HECW1: variants seen among roughly 807,000 people sequenced by gnomAD.
HECW1 encodes the protein E3 ubiquitin-protein ligase HECW1.
HECW1 carries 61 observed loss-of-function variants against 182.3 expected under a neutral mutation model. The observed-to-expected ratio is 0.33, with a 90% CI of 0.27 to 0.41. The LOEUF is 0.41. HECW1 is among the 10% of genes least tolerant of loss of function. The pLI is 1.00. For missense variants in HECW1, 1,739 were observed against 2,108.9 expected (o/e 0.82, Z 3.44); for synonymous variants, 859 against 832.6 (o/e 1.03, Z -0.55).
intron 3 of HECW1, among the ~76,000 whole-genome samples, chr7:43,273,425 CTAA>C (rs1434218410): frequency 2.0e-5 from 3 of 151,762 alleles, no homozygotes; most frequent in African/African-American, 7.3e-5. Context: ...GAAATTGACC[CTAA>C]TATAAATTTC....
chr7:43,564,027 A>G lies in HECW1; in HGVS notation c.*2101A>G. 5.3e-6 allele frequency: 1 copy of G among 187,514 alleles called. No individual in the cohort carries two copies. Among genetic ancestry groups the G allele is most frequent in the Non-Finnish European group, 1.1e-5 (1 of 88,778 alleles). The allele number at this position is 187,514 out of a possible 1,614,324, so 11.6% of individuals were successfully genotyped here. A position where few individuals can be genotyped will look rare whatever the true frequency, so the allele number is the denominator to read the frequency against. On this transcript the variant is annotated 3_prime_UTR_variant, in exon 30 of 30. Coordinates refer to ENST00000395891, the MANE Select transcript of HECW1 (RefSeq NM_015052.5). ...AAGAATATTTACTGAGACAGGATGGAATCTGTAAGTTATATGATATAGAAT... is the reference window on the plus strand; with the variant it reads ...AAGAATATTTACTGAGACAGGATGGGATCTGTAAGTTATATGATATAGAAT...
At chr7:43,169,175 G>A (rs1268359398) in intron 2 of HECW1, among the ~76,000 whole-genome samples, 1 of 152,174 alleles carries the variant, frequency 6.6e-6, no homozygotes, top group Admixed American at 6.5e-5. Context: ...AGCTGAAAGA[G>A]GACCCTGCAT....
rs754421708 is a variant in HECW1 at position 43,243,942 on chromosome 7, C to T, written c.27+10C>T. 1.3e-6 allele frequency: 2 copies of T among 1,599,272 alleles called. No homozygotes were observed. Among genetic ancestry groups the T allele is most frequent in the African/African-American group, 2.7e-5 (2 of 74,650 alleles). ...CCTGTGTAGTGTGAAGGTCAGTGTG[C>T]TTTTCTGATTATAAGAAACCATCCA... On this transcript the variant is annotated intron_variant, in intron 3 of 29. Coordinates refer to ENST00000395891, the MANE Select transcript of HECW1 (RefSeq NM_015052.5). This position sits in a 1 kb window ranked among gnomAD's most constrained non-coding sequence, Gnocchi z 4.0.
At chr7:43,215,870 TA>T (rs1358964867) in intron 2 of HECW1, among the ~76,000 whole-genome samples, 1 of 152,178 alleles carries the variant, frequency 6.6e-6, no homozygotes, top group East Asian at 1.9e-4. Flanking sequence ...CCTCTCTCTG[TA>T]GCTTTGTTCT....
chr7:43,194,756 C>T (rs1479714433), intron 2 of HECW1, among the ~76,000 whole-genome samples: 3 of 151,460 alleles, frequency 2.0e-5, no homozygotes, highest in East Asian at 1.9e-4. Flanking sequence ...TGCAATGGCA[C>T]GATCTCGGCT....
intron 6 of HECW1, among the ~76,000 whole-genome samples, chr7:43,387,218 A>C (rs2074835480): frequency 6.6e-6 from 1 of 152,000 alleles, no homozygotes. Context: ...GCCCCCAGCC[A>C]GCCCCTTCCC....
intron 5 of HECW1, among the ~76,000 whole-genome samples, chr7:43,352,224 G>A (rs1814563166): frequency 6.6e-6 from 1 of 151,762 alleles, no homozygotes. Context: ...TAGATCTAGG[G>A]GAAAAAACTT....
At chr7:43,509,243 G>A (rs1467826605) in intron 24 of HECW1, 122 bp downstream of exon 24, 9 of 890,078 alleles carry the variant, frequency 1.0e-5, no homozygotes, top group African/African-American at 3.4e-5. Flanking sequence ...TGAGGGATGA[G>A]AGTGAATGAC....
At chr7:43,525,433 A>G (rs2152942221) in intron 24 of HECW1, among the ~76,000 whole-genome samples, 1 of 152,348 alleles carries the variant, frequency 6.6e-6, no homozygotes, top group African/African-American at 2.4e-5. Context: ...CTTTCTGTTC[A>G]GCCCAGTTTC....
At chr7:43,285,303 A>G (rs1404443979) in intron 3 of HECW1, among the ~76,000 whole-genome samples, 1 of 152,206 alleles carries the variant, frequency 6.6e-6, no homozygotes, top group East Asian at 1.9e-4. Context: ...TGGCCAGTTA[A>G]GTCAGAATCC....
chr7:43,126,342 A>G (rs1786245016), intron 2 of HECW1, among the ~76,000 whole-genome samples: 1 of 152,274 alleles, frequency 6.6e-6, no homozygotes, highest in South Asian at 2.1e-4. Context: ...TAACACATAT[A>G]TATCATTGTC....
At chr7:43,548,785 T>TA (rs547560572) in intron 26 of HECW1, among the ~76,000 whole-genome samples, 23 of 151,056 alleles carry the variant, frequency 1.5e-4, no homozygotes, top group African/African-American at 2.9e-4. Context: ...GTACTAAAAA[T>TA]AAAAAAAAAT....
At chr7:43,199,100 C>G (rs188883337) in intron 2 of HECW1, among the ~76,000 whole-genome samples, 354 of 152,358 alleles carry the variant, frequency 2.3e-3, no homozygotes, top group African/African-American at 8.1e-3. Flanking sequence ...ATTGCACACT[C>G]TCTCTCTCCA....
chr7:43,246,904 G>A (rs886614462), intron 3 of HECW1, among the ~76,000 whole-genome samples: 2 of 152,106 alleles, frequency 1.3e-5, no homozygotes, highest in East Asian at 3.9e-4. Context: ...ACCCAGTGTT[G>A]GGTGGGAATG....
chr7:43,473,506 T>G (rs951173839), intron 16 of HECW1, among the ~76,000 whole-genome samples: 1 of 152,168 alleles, frequency 6.6e-6, no homozygotes, highest in Non-Finnish European at 1.5e-5. Context: ...ATAAAAGTAA[T>G]TGTTGTTAAA....
chr7:43,473,296 A>G (rs2078093719), intron 16 of HECW1, among the ~76,000 whole-genome samples: 1 of 152,214 alleles, frequency 6.6e-6, no homozygotes, highest in African/African-American at 2.4e-5. Flanking sequence ...TGAGCCAAAT[A>G]AACCTTTTTT....
At chr7:43,484,965 C>T (rs1585049354) in intron 17 of HECW1, among the ~76,000 whole-genome samples, 1 of 152,162 alleles carries the variant, frequency 6.6e-6, no homozygotes, top group Non-Finnish European at 1.5e-5. Context: ...ACACATTTGC[C>T]TTGTTTACAC....
chr7:43,561,728 T>C (rs2082213877), intron 29 of HECW1, 87 bp from the exon 30 acceptor site: 1 of 903,078 alleles, frequency 1.1e-6, no homozygotes, highest in Admixed American at 2.2e-5. Flanking sequence ...TGATTCCTTT[T>C]TGAATCACAA....
intron 2 of HECW1, among the ~76,000 whole-genome samples, chr7:43,196,486 C>T (rs895931786): frequency 6.6e-6 from 1 of 152,212 alleles, no homozygotes; most frequent in African/African-American, 2.4e-5. Context: ...AAACAGCCAG[C>T]ACCTCTGTGA....
Sources: allele counts gnomAD v4.1 joint callset (sites outside exome capture counted in the v4.1 genomes callset), GRCh38; gene constraint gnomAD v4.1.1; non-coding constraint Gnocchi (gnomAD v3.1); transcripts MANE v1.5; gene names NCBI Gene and HGNC (gene_info 2026-07-23, HGNC 2026-07-21).